The following HNRNPM variants were observed in gnomAD, a reference collection of about 807,000 sequenced individuals.
HNRNPM encodes the protein CEA receptor.
In HNRNPM, 11 loss-of-function variants were observed where a neutral mutation model predicts 73.1. The observed-to-expected ratio is 0.15, with a 90% CI of 0.09 to 0.25. The LOEUF (loss-of-function observed/expected upper bound fraction) is 0.25. Among genes scored for constraint, HNRNPM ranks in the 10% least tolerant of loss-of-function variants. The pLI is 1.00. For synonymous variants in HNRNPM, 407 were observed against 355.2 expected (o/e 1.15, Z -1.64); for missense variants, 789 against 1,067.9 (o/e 0.74, Z 3.64).
chr19:8,451,538 C>T (rs572767561), intron 1 of HNRNPM, among the ~76,000 whole-genome samples: 7 of 152,116 alleles, frequency 4.6e-5, no homozygotes, highest in African/African-American at 1.7e-4. Flanking sequence ...TCCCCTTCCC[C>T]TTCCCCTTCC....
At position 8,488,898 on chromosome 19, in the gene HNRNPM, T is replaced by C; in HGVS notation, c.*44T>C. On this transcript the variant is annotated 3_prime_UTR_variant, in exon 16 of 16. Coordinates refer to ENST00000325495, the MANE Select transcript of HNRNPM (RefSeq NM_005968.5). ...CATCGATACGAGACCTCTGAATTTGTATTTTTTCTTGTTAACCATTTTAAT... is the reference window on the plus strand; with the variant it reads ...CATCGATACGAGACCTCTGAATTTGCATTTTTTCTTGTTAACCATTTTAAT... 6.6e-7 allele frequency: 1 copy of C among 1,511,850 alleles called. No individual in the cohort carries two copies. Among genetic ancestry groups the C allele is most frequent in the South Asian group, 1.2e-5 (1 of 81,276 alleles). The allele number at this position is 1,511,850 out of a possible 1,614,324, so 93.7% of individuals were successfully genotyped here.
chr19:8,478,402 G>A (rs1418980776), intron 12 of HNRNPM, among the ~76,000 whole-genome samples: 4 of 152,162 alleles, frequency 2.6e-5, no homozygotes, highest in Non-Finnish European at 4.4e-5. Context: ...GAGATGGAGC[G>A]TGGCATGGGT....
intron 12 of HNRNPM, among the ~76,000 whole-genome samples, chr19:8,475,303 G>A (rs926432770): frequency 1.3e-5 from 2 of 152,264 alleles, no homozygotes; most frequent in African/African-American, 4.8e-5. Context: ...GCTGTAGAGT[G>A]TGCATGAGAA....
At chr19:8,465,040 G>C (rs1238872958) in intron 5 of HNRNPM, among the ~76,000 whole-genome samples, 4 of 152,174 alleles carry the variant, frequency 2.6e-5, no homozygotes, top group African/African-American at 7.2e-5. Flanking sequence ...CATTATATCA[G>C]CTAATCATGT....
intron 12 of HNRNPM, among the ~76,000 whole-genome samples, chr19:8,479,662 A>G (rs1270217251): frequency 2.0e-5 from 3 of 150,660 alleles, no homozygotes; most frequent in East Asian, 2.0e-4. Flanking sequence ...CAGGCTTATT[A>G]CAAATTCCTG....
chr19:8,485,588 G>C lies in HNRNPM; in HGVS notation c.1175-15G>C. The C allele has an allele frequency of 5.0e-6, 8 of 1,592,622 alleles. No homozygotes were observed. Among genetic ancestry groups the C allele is most frequent in the Non-Finnish European group, 6.0e-6 (7 of 1,171,888 alleles). On this transcript the variant is annotated splice_polypyrimidine_tract_variant and intron_variant, in intron 13 of 15. Coordinates refer to ENST00000325495, the MANE Select transcript of HNRNPM (RefSeq NM_005968.5). The stretch of plus-strand genomic sequence containing the variant: ...AGTTCTTGACACCCACCTGTGTTTT[G>C]TGTCCCTGTTTCAGGTGGAGGTGGA...
At chr19:8,486,921 C>G (rs778776951) in intron 14 of HNRNPM, 103 bp from the exon 15 acceptor site, 2 of 887,938 alleles carry the variant, frequency 2.3e-6, no homozygotes, top group Non-Finnish European at 3.9e-6. Context: ...GCCAGCTTCT[C>G]GGTATAGTGA....
In HNRNPM at chr19:8,455,487, A is replaced by G. The variant is rs1352545342; in HGVS notation, c.196A>G (p.Asn66Asp). 1 of 1,613,896 alleles carries G rather than the reference A, an allele frequency of 6.2e-7. No individual in the cohort carries two copies. Among genetic ancestry groups the G allele is most frequent in the East Asian group, 2.2e-5 (1 of 44,882 alleles). The change falls in exon 2 of 16, where the codon AAT (asparagine) becomes GAT (aspartate). Residue 66 changes from asparagine to aspartate, a missense_variant. Asn to Asp is a conservative substitution (Grantham distance 23). This residue lies in a region of HNRNPM where 63 missense variants were observed against 147.4 expected (regional missense o/e 0.43). Transcript: ENST00000325495. ...RGGNRFEPYA[N>D]PTKRYRAFIT... is the part of the protein sequence containing the mutation. The stretch of plus-strand genomic sequence containing the variant: ...AGGCAATCGCTTTGAGCCATATGCC[A>G]ATCCAACTAAAAGATACAGAGCCTT...
chr19:8,457,639 T>C (rs1969111149), intron 2 of HNRNPM, among the ~76,000 whole-genome samples: 1 of 152,244 alleles, frequency 6.6e-6, no homozygotes, highest in Non-Finnish European at 1.5e-5. Context: ...TTTATGATAA[T>C]GCTTATATTC....
At chr19:8,458,762 A>G (rs971083474) in intron 2 of HNRNPM, among the ~76,000 whole-genome samples, 15 of 152,248 alleles carry the variant, frequency 9.9e-5, no homozygotes, top group African/African-American at 3.1e-4. Flanking sequence ...TGCATCTGAC[A>G]GAAAACTAAG....
chr19:8,483,196 G>C lies in HNRNPM; in HGVS notation c.1159G>C (p.Ala387Pro). The C allele has an allele frequency of 1.2e-6, 2 of 1,612,474 alleles. No homozygotes were observed. The highest frequency in any genetic ancestry group is 1.7e-6 in the Non-Finnish European group (2 of 1,178,856). Residue 387 changes from alanine to proline, a missense_variant, in exon 13 of 16, where the codon GCA becomes CCA. Transcript: ENST00000325495. ...SNALKRGEII[A>P]KQGGGGGGGS... Reference sequence around the variant, plus strand: ...TGCACTGAAGAGAGGAGAGATCATTGCAAAGCAGGGAGGAGGTAGGAACCG... The same window carrying C: ...TGCACTGAAGAGAGGAGAGATCATTCCAAAGCAGGGAGGAGGTAGGAACCG...
At position 8,486,060 on chromosome 19, in the gene HNRNPM, G is replaced by A. The variant is rs1448328651; in HGVS notation, c.1632G>A (p.Met544Ile). ...PAGMGAGLER[M>I]GPVMDRMATG... ...GTATGGGAGCTGGCCTGGAGCGCAT[G>A]GGCCCCGTGATGGATCGCATGGCCA... is the stretch of plus-strand genomic sequence containing the variant. The change falls in exon 14 of 16, where the codon ATG becomes ATA. Residue 544 changes from methionine (M) to isoleucine (I), a missense_variant. Transcript: ENST00000325495. 4 of 1,606,536 alleles carry A rather than the reference G, an allele frequency of 2.5e-6. No homozygotes were observed. The highest frequency in any genetic ancestry group is 3.3e-5 in the Admixed American group (2 of 59,954).
At chr19:8,486,993 G>T (rs1021631429) in intron 14 of HNRNPM, 31 bp from the exon 15 acceptor site, 13 of 1,587,040 alleles carry the variant, frequency 8.2e-6, no homozygotes, top group Non-Finnish European at 1.0e-5. Flanking sequence ...GTTTAATCAC[G>T]CATCAGTCTC....
intron 1 of HNRNPM, chr19:8,445,326 C>G (rs1160083515): frequency 2.4e-6 from 1 of 409,142 alleles, no homozygotes; most frequent in Non-Finnish European, 4.3e-6. Flanking sequence ...TCGAGCCTCG[C>G]CACCCTCAGT....
intron 12 of HNRNPM, 154 bp from the exon 13 acceptor site, chr19:8,483,004 A>G: frequency 1.7e-6 from 1 of 605,856 alleles, no homozygotes; most frequent in East Asian, 2.8e-5. Flanking sequence ...AGTTCTCTGT[A>G]AAATGATCTT....
intron 10 of HNRNPM, among the ~76,000 whole-genome samples, chr19:8,472,656 G>A (rs1019148423): frequency 3.9e-5 from 6 of 152,114 alleles, no homozygotes; most frequent in Non-Finnish European, 7.3e-5. Flanking sequence ...TCAGCTTACC[G>A]CACTCAATCT....
chr19:8,448,448 CTT>C (rs900740961), intron 1 of HNRNPM, among the ~76,000 whole-genome samples: 34 of 150,756 alleles, frequency 2.3e-4, no homozygotes, highest in Non-Finnish European at 2.2e-4. Context: ...AAATAAATGA[CTT>C]AACCTGCTCC....
intron 14 of HNRNPM, 119 bp downstream of exon 14, chr19:8,486,524 C>T: frequency 1.2e-6 from 1 of 803,580 alleles, no homozygotes; most frequent in Non-Finnish European, 1.9e-6. Flanking sequence ...CTCCTTGCCA[C>T]TGTCCCAAAC....
chr19:8,483,023 G>A (rs543138075), intron 12 of HNRNPM, 135 bp from the exon 13 acceptor site: 34 of 628,908 alleles, frequency 5.4e-5, no homozygotes, highest in African/African-American at 3.3e-4. Context: ...TTGTCTGTGC[G>A]TGTGTTTCTC....
Sources: allele counts gnomAD v4.1 joint callset (sites outside exome capture counted in the v4.1 genomes callset), GRCh38; gene constraint gnomAD v4.1.1; regional missense constraint gnomAD v4.1.1; transcripts MANE v1.5; gene names NCBI Gene and HGNC (gene_info 2026-07-23, HGNC 2026-07-21).